NALCN: variants seen among roughly 807,000 people sequenced by gnomAD.
NALCN encodes sodium leak channel NALCN.
In NALCN, 111 loss-of-function variants were observed where a neutral mutation model predicts 225.3. The ratio of observed to expected loss-of-function variants is 0.49; its 90% CI spans 0.42 to 0.58. The LOEUF is 0.58. Ranked by LOEUF, NALCN falls within the 20% of genes least tolerant of loss-of-function variation. The pLI, the probability that NALCN is intolerant of heterozygous loss-of-function variation, is 0.00. For missense variants in NALCN, 1,378 were observed against 2,202.4 expected, an observed-to-expected ratio of 0.63 and a Z score of 7.49; for synonymous variants, 764 against 769.0, an observed-to-expected ratio of 0.99 and a Z score of 0.11.
At chr13:101,372,113 T>C (rs2046556818) in intron 6 of NALCN, among the ~76,000 whole-genome samples, 1 of 152,146 alleles carries the variant, frequency 6.6e-6, no homozygotes, top group Admixed American at 6.5e-5. Context: ...AGGAAAAAAA[T>C]TCAAAATTCA....
At chr13:101,238,751 C>T (rs1395338723) in intron 11 of NALCN, among the ~76,000 whole-genome samples, 2 of 151,908 alleles carry the variant, frequency 1.3e-5, no homozygotes, top group African/African-American at 4.8e-5. Flanking sequence ...TGAGAAGACA[C>T]TACATGATTT....
chr13:101,100,916 C>T (rs200785258), intron 26 of NALCN, 28 bp from the exon 27 acceptor site: 434 of 1,573,414 alleles, frequency 2.8e-4, no homozygotes, highest in Non-Finnish European at 3.6e-4. Context: ...AATGTTAAAT[C>T]TCTTGTTAAA....
intron 15 of NALCN, among the ~76,000 whole-genome samples, chr13:101,172,183 GC>G (rs370952852): frequency 2.0e-5 from 3 of 152,238 alleles, no homozygotes; most frequent in African/African-American, 7.2e-5. Flanking sequence ...ACAGCGCCAT[GC>G]TTCTCTTCCA....
intron 10 of NALCN, among the ~76,000 whole-genome samples, chr13:101,282,697 G>A (rs1320664659): frequency 6.6e-6 from 1 of 152,154 alleles, no homozygotes; most frequent in Non-Finnish European, 1.5e-5. Flanking sequence ...ATGCGGTGAT[G>A]GGTGTGTTAA....
At chr13:101,280,804 A>G (rs1400317477) in intron 10 of NALCN, among the ~76,000 whole-genome samples, 4 of 151,908 alleles carry the variant, frequency 2.6e-5, no homozygotes, top group Non-Finnish European at 5.9e-5. Context: ...ATGGCTGACC[A>G]GGCATGTAGG....
At chr13:101,149,957 C>T (rs537190619) in intron 15 of NALCN, among the ~76,000 whole-genome samples, 1 of 152,348 alleles carries the variant, frequency 6.6e-6, no homozygotes, top group East Asian at 1.9e-4. Context: ...ACAAGCCCTC[C>T]CTTGGCCACA....
Position 101,192,066 on chromosome 13 carries a change from A to C in NALCN, c.1627-12T>G, listed in dbSNP as rs200846504. Reference sequence around the variant, plus strand: ...ATGGACATAAATGCCTAAGAGGAAAAGAACAAAGGTATTACACACTAGCTT... The same window carrying C: ...ATGGACATAAATGCCTAAGAGGAAACGAACAAAGGTATTACACACTAGCTT... On this transcript the variant is annotated splice_polypyrimidine_tract_variant and intron_variant, in intron 13 of 43. Transcript: ENST00000251127. 79 of 1,591,562 alleles carry C rather than the reference A, an allele frequency of 5.0e-5. No individual in the cohort carries two copies. The highest frequency in any genetic ancestry group is 6.7e-5 in the Non-Finnish European group (79 of 1,174,240).
At chr13:101,058,424 G>GATAC in intron 42 of NALCN, 3 of 163,286 alleles carry the variant, frequency 1.8e-5, no homozygotes, top group South Asian at 1.5e-4. Context: ...GGCTGGGCGG[G>GATAC]GGCAGTCTAC....
At chr13:101,384,649 T>C (rs1420613130) in intron 3 of NALCN, among the ~76,000 whole-genome samples, 1 of 152,156 alleles carries the variant, frequency 6.6e-6, no homozygotes, top group Non-Finnish European at 1.5e-5. Flanking sequence ...AGATGTGAAA[T>C]AGACAACTGA....
At chr13:101,190,494 G>A (rs2039638071) in intron 14 of NALCN, among the ~76,000 whole-genome samples, 1 of 152,220 alleles carries the variant, frequency 6.6e-6, no homozygotes. Context: ...GCCAGATTCA[G>A]CTTTGCAAGC....
intron 6 of NALCN, among the ~76,000 whole-genome samples, chr13:101,360,063 TTCTTTTTC>T (rs1341981800): frequency 2.8e-5 from 4 of 142,374 alleles, no homozygotes; most frequent in Admixed American, 1.3e-4. Flanking sequence ...TTCTCTTTCT[TTCTTTTTC>T]TTTCTTTCTT....
chr13:101,087,111 G>A (rs1022349303), intron 30 of NALCN, among the ~76,000 whole-genome samples: 11 of 152,028 alleles, frequency 7.2e-5, no homozygotes, highest in Admixed American at 1.3e-4. Context: ...CAAACACATT[G>A]TCTTACATAG....
chr13:101,321,497 T>A (rs911432239), intron 7 of NALCN, among the ~76,000 whole-genome samples: 3 of 152,160 alleles, frequency 2.0e-5, no homozygotes, highest in African/African-American at 7.2e-5. Context: ...GGTGGGAGTA[T>A]GCAGGAACAA....
chr13:101,310,996 G>A (rs1261106984), intron 7 of NALCN, among the ~76,000 whole-genome samples: 1 of 151,906 alleles, frequency 6.6e-6, no homozygotes, highest in Non-Finnish European at 1.5e-5. Flanking sequence ...CCATGAGCAT[G>A]GAATGTTCTT....
intron 1 of NALCN, among the ~76,000 whole-genome samples, chr13:101,409,139 C>T (rs1041076470): frequency 2.0e-5 from 3 of 152,216 alleles, no homozygotes; most frequent in East Asian, 1.9e-4. Flanking sequence ...TCAGTACACA[C>T]CACAATGCCC....
chr13:101,115,634 A>G (rs2035673128), intron 18 of NALCN, among the ~76,000 whole-genome samples: 1 of 152,186 alleles, frequency 6.6e-6, no homozygotes, highest in African/African-American at 2.4e-5. Flanking sequence ...TTTCATTAGT[A>G]TTGAGATGCC....
chr13:101,196,895 C>T (rs1015942499), intron 13 of NALCN, among the ~76,000 whole-genome samples: 7 of 152,080 alleles, frequency 4.6e-5, no homozygotes, highest in East Asian at 3.9e-4. Flanking sequence ...CTGGGGCTTT[C>T]GACACCCCTC....
intron 3 of NALCN, among the ~76,000 whole-genome samples, chr13:101,379,754 A>G (rs2046796211): frequency 1.3e-5 from 2 of 152,216 alleles, no homozygotes; most frequent in Middle Eastern, 6.8e-3. Flanking sequence ...TAGGAGAAAC[A>G]CCTAACGTAG....
At chr13:101,400,544 AGTGT>A (rs376844190) in intron 1 of NALCN, among the ~76,000 whole-genome samples, 19,329 of 135,122 alleles carry the variant, frequency 0.14, 1,371 homozygotes, top group East Asian at 0.33. Context: ...ACATGTTTGC[AGTGT>A]GTGTGTGTGT....
Sources: gnomAD v4.1 joint callset for allele counts (sites outside exome capture counted in the v4.1 genomes callset) on GRCh38, gnomAD v4.1.1 for gene constraint, MANE v1.5 for transcripts, NCBI Gene and HGNC (gene_info 2026-07-23, HGNC 2026-07-21) for gene names.